Variants in DNAH8 observed in about 807,000 individuals in gnomAD.
DNAH8 encodes dynein axonemal heavy chain 8.
A neutral mutation model predicts 562.1 loss-of-function variants in DNAH8; 382 were observed. The observed-to-expected ratio is 0.68, with a 90% CI of 0.63 to 0.74. The LOEUF (loss-of-function observed/expected upper bound fraction) is 0.74. Ranked by LOEUF, DNAH8 falls within the 30% of genes least tolerant of loss-of-function variation. The pLI, the probability that DNAH8 is intolerant of heterozygous loss-of-function variation, is 0.00. For missense variants in DNAH8, 5,203 were observed against 5,620.4 expected (o/e 0.93, Z 2.37); for synonymous variants, 1,881 against 1,919.4 (o/e 0.98, Z 0.52).
chr6:38,725,660 A>G (rs540078994), intron 3 of DNAH8, among the ~76,000 whole-genome samples: 1 of 152,288 alleles, frequency 6.6e-6, no homozygotes, highest in African/African-American at 2.4e-5. Flanking sequence ...CCCCGCTGGA[A>G]TTTACTGCTG....
At chr6:38,797,584 CTT>C (rs1770390380) in intron 21 of DNAH8, among the ~76,000 whole-genome samples, 1 of 152,088 alleles carries the variant, frequency 6.6e-6, no homozygotes, top group African/African-American at 2.4e-5. Flanking sequence ...CTTATCTATG[CTT>C]CCAATTCCAA....
rs761021867 is a variant in DNAH8, at chr6:38,786,932, G to A, written c.2563G>A (p.Ala855Thr). 8.1e-6 allele frequency: 13 copies of A among 1,607,110 alleles called. No individual in the cohort carries two copies. The East Asian group carries it at 2.7e-4, about 33-fold the overall frequency. ...RLLKLESKLKADKLYLQGLLQ... is the reference protein window; with the variant it reads ...RLLKLESKLKTDKLYLQGLLQ... ...GCTAAAATTGGAAAGTAAATTGAAA[G>A]CAGACAAACTGTATTTGCAGGTAAG... The change falls in exon 18 of 93, where the codon GCA (alanine) becomes ACA (threonine). Residue 855 changes from alanine to threonine, a missense_variant. Coordinates refer to ENST00000327475, the MANE Select transcript of DNAH8 (RefSeq NM_001206927.2).
At chr6:38,838,519 C>G (rs996673014) in intron 33 of DNAH8, among the ~76,000 whole-genome samples, 2 of 152,018 alleles carry the variant, frequency 1.3e-5, no homozygotes, top group Non-Finnish European at 2.9e-5. Context: ...CTGCCTCAGC[C>G]TTCCGAATAG....
At chr6:38,868,550 A>G (rs935644667) in intron 48 of DNAH8, among the ~76,000 whole-genome samples, 9 of 152,370 alleles carry the variant, frequency 5.9e-5, no homozygotes, top group South Asian at 2.1e-4. Flanking sequence ...CTTTCTCTGT[A>G]TGTGACTAGC....
intron 43 of DNAH8, among the ~76,000 whole-genome samples, chr6:38,861,372 T>C (rs1776608850): frequency 6.6e-6 from 1 of 152,262 alleles, no homozygotes; most frequent in South Asian, 2.1e-4. Context: ...GAAGCTTTAC[T>C]AAGATCTTTA....
rs569757237 is a variant in DNAH8 at position 38,752,203 on chromosome 6, A to T, written c.1407+1614A>T. Among the ~76,000 whole-genome samples, 3 of 148,182 alleles carry T rather than the reference A, an allele frequency of 2.0e-5. 1 individual carries two copies. The South Asian group carries it at 6.3e-4, about 31-fold the overall frequency. On this transcript the variant is annotated intron_variant, in intron 9 of 92. Coordinates refer to ENST00000327475, the MANE Select transcript of DNAH8 (RefSeq NM_001206927.2). The stretch of plus-strand genomic sequence containing the variant: ...CCCCGGGATGGAGTCTCTCTCTGTC[A>T]CCCAGGCTGGAGTGCAGTGGTGCTA...
intron 31 of DNAH8, among the ~76,000 whole-genome samples, chr6:38,833,660 A>G (rs1160513009): frequency 6.6e-6 from 1 of 152,222 alleles, no homozygotes; most frequent in Non-Finnish European, 1.5e-5. Flanking sequence ...AGACAACTTT[A>G]TAAATGAAAC....
Position 38,765,549 on chromosome 6 carries a change from A to G in DNAH8, c.1617+3746A>G, listed in dbSNP as rs529737889. 3.3e-5 allele frequency among the ~76,000 whole-genome samples: 5 copies of G among 152,292 alleles called. No homozygotes were observed. The East Asian group carries it at 9.6e-4, about 29-fold the overall frequency. ...TTTCCTAAGACCATTTATTGAAGAGACTGCCCTTTCCTCATTGTGTGTTCT... is the reference window on the plus strand; with the variant it reads ...TTTCCTAAGACCATTTATTGAAGAGGCTGCCCTTTCCTCATTGTGTGTTCT... On this transcript the variant is annotated intron_variant, in intron 11 of 92. Coordinates refer to ENST00000327475, the MANE Select transcript of DNAH8 (RefSeq NM_001206927.2).
chr6:38,740,334 A>G (rs550059107), intron 7 of DNAH8, among the ~76,000 whole-genome samples: 28 of 152,350 alleles, frequency 1.8e-4, no homozygotes, highest in African/African-American at 5.5e-4. Flanking sequence ...ATCCATGAAC[A>G]TGATATACCT....
intron 43 of DNAH8, 120 bp from the exon 44 acceptor site, chr6:38,862,160 T>G: frequency 1.3e-6 from 1 of 780,586 alleles, no homozygotes; most frequent in Non-Finnish European, 2.0e-6. Context: ...ACTTCTTTTA[T>G]GTGGGCTACT....
At chr6:38,884,312 AG>A (rs1172894110) in intron 56 of DNAH8, among the ~76,000 whole-genome samples, 1 of 152,114 alleles carries the variant, frequency 6.6e-6, no homozygotes, top group Non-Finnish European at 1.5e-5. Context: ...TAACATTTTG[AG>A]ACGGAGTCTT....
intron 7 of DNAH8, among the ~76,000 whole-genome samples, chr6:38,739,849 A>G (rs1764387725): frequency 6.6e-6 from 1 of 152,130 alleles, no homozygotes; most frequent in East Asian, 1.9e-4. Context: ...TTTTATTTTT[A>G]ACATTTAGGT....
intron 41 of DNAH8, among the ~76,000 whole-genome samples, chr6:38,853,967 T>TA (rs375525499): frequency 6.6e-6 from 1 of 151,760 alleles, no homozygotes; most frequent in African/African-American, 2.4e-5. Flanking sequence ...TGTCGTAAAG[T>TA]AAAAAAAATT....
At chr6:38,769,771 G>A (rs1445816491) in intron 11 of DNAH8, among the ~76,000 whole-genome samples, 1 of 152,194 alleles carries the variant, frequency 6.6e-6, no homozygotes, top group African/African-American at 2.4e-5. Flanking sequence ...AGGCAGAAGA[G>A]TCAGAATCTG....
At position 38,756,033 on chromosome 6, in the gene DNAH8, C is replaced by T; in HGVS notation, c.1469C>T (p.Ser490Leu). 6.2e-7 allele frequency: 1 copy of T among 1,610,346 alleles called. No individual in the cohort carries two copies. Among genetic ancestry groups the T allele is most frequent in the African/African-American group, 1.3e-5 (1 of 74,876 alleles). ...INAIRMIHGV[S>L]RYYNTSERMT... The stretch of plus-strand genomic sequence containing the variant: ...GCCATCAGAATGATTCACGGTGTGT[C>T]AAGGTATTATAATACCTCAGAGAGA... Residue 490 changes from serine (S) to leucine (L), a missense_variant, in exon 10 of 93, where the codon TCA becomes TTA. Physicochemically the swap from Ser to Leu is moderately radical, Grantham distance 145. Coordinates refer to ENST00000327475, the MANE Select transcript of DNAH8 (RefSeq NM_001206927.2).
In DNAH8 at chr6:38,750,601, T is replaced by C; in HGVS notation, c.1407+12T>C. 1 of 1,520,060 alleles carries C rather than the reference T, an allele frequency of 6.6e-7. No homozygotes were observed. Among genetic ancestry groups the C allele is most frequent in the Non-Finnish European group, 9.1e-7 (1 of 1,101,652 alleles). 94.2% of individuals were successfully genotyped at this position (1,520,060 alleles called of 1,614,324 possible). A position where few individuals can be genotyped will look rare whatever the true frequency, so the allele number is the denominator to read the frequency against. On this transcript the variant is annotated intron_variant, in intron 9 of 92. Transcript: ENST00000327475. Reference sequence around the variant, plus strand: ...ATAACCATGACCTAGTAAGTATGCTTTTAAAGTACAATTTTAAACTGAGGG... The same window carrying C: ...ATAACCATGACCTAGTAAGTATGCTCTTAAAGTACAATTTTAAACTGAGGG...
intron 53 of DNAH8, among the ~76,000 whole-genome samples, chr6:38,882,539 A>G (rs1778576330): frequency 6.6e-6 from 1 of 152,154 alleles, no homozygotes; most frequent in Non-Finnish European, 1.5e-5. Flanking sequence ...AGAAAGGAAC[A>G]ACAGACACTG....
chr6:38,912,806 CT>C (rs559189342), intron 66 of DNAH8, among the ~76,000 whole-genome samples: 37 of 147,436 alleles, frequency 2.5e-4, no homozygotes, highest in Admixed American at 4.7e-4. Flanking sequence ...TAGTTTTACT[CT>C]TTTTTTTTTT....
chr6:38,829,731 A>G (rs1370477223), intron 30 of DNAH8, among the ~76,000 whole-genome samples: 4 of 152,190 alleles, frequency 2.6e-5, no homozygotes, highest in African/African-American at 9.7e-5. Context: ...TGTCTTGATT[A>G]TAGTAGCTTT....
Sources: allele counts gnomAD v4.1 joint callset (sites outside exome capture counted in the v4.1 genomes callset), GRCh38; gene constraint gnomAD v4.1.1; transcripts MANE v1.5; gene names NCBI Gene and HGNC (gene_info 2026-07-23, HGNC 2026-07-21).